Variants in CYP7B1 observed in about 807,000 individuals in gnomAD.
The protein encoded by CYP7B1 is cytochrome P450 7B1.
CYP7B1 carries 29 observed loss-of-function variants against 42.7 expected under a neutral mutation model. That is an observed-to-expected ratio of 0.68 (90% CI 0.51 to 0.93). CYP7B1 has a LOEUF of 0.93. Ranked by LOEUF, CYP7B1 falls within the 40% of genes least tolerant of loss-of-function variation. The pLI, the probability that CYP7B1 is intolerant of heterozygous loss-of-function variation, is 0.00. For synonymous variants in CYP7B1, 235 were observed against 218.2 expected (o/e 1.08, Z -0.68); for missense variants, 655 against 600.5 (o/e 1.09, Z -0.95).
intron 1 of CYP7B1, among the ~76,000 whole-genome samples, chr8:64,741,443 C>T (rs1346443425): frequency 6.6e-6 from 1 of 152,062 alleles, no homozygotes; most frequent in Non-Finnish European, 1.5e-5. Context: ...CCTCAGCCTC[C>T]CGAGTAGCTG....
intron 1 of CYP7B1, among the ~76,000 whole-genome samples, chr8:64,782,041 C>G (rs949751636): frequency 9.9e-5 from 15 of 152,166 alleles, no homozygotes; most frequent in Admixed American, 3.9e-4. Context: ...TCATTTCCAT[C>G]TTCCCTTACC....
chr8:64,759,752 C>G (rs1035284199), intron 1 of CYP7B1, among the ~76,000 whole-genome samples: 17 of 152,078 alleles, frequency 1.1e-4, no homozygotes, highest in Admixed American at 3.9e-4. Flanking sequence ...GATCAGGCAG[C>G]TAATTAGTGA....
intron 2 of CYP7B1, 85 bp downstream of exon 2, chr8:64,624,318 T>C (rs1466880196): frequency 1.6e-6 from 2 of 1,276,468 alleles, no homozygotes; most frequent in South Asian, 1.3e-5. Flanking sequence ...ATATTCTACA[T>C]TTTGCCTAGA....
At chr8:64,650,488 A>G (rs1806022246) in intron 1 of CYP7B1, among the ~76,000 whole-genome samples, 1 of 152,050 alleles carries the variant, frequency 6.6e-6, no homozygotes, top group Admixed American at 6.5e-5. Flanking sequence ...TCTCTACCAA[A>G]AATACAAAAA....
At chr8:64,791,052 C>A (rs775528630) in intron 1 of CYP7B1, among the ~76,000 whole-genome samples, 45 of 152,126 alleles carry the variant, frequency 3.0e-4, no homozygotes, top group Non-Finnish European at 4.9e-4. Context: ...TCCAGAAAAT[C>A]ACCAAAAACT....
intron 1 of CYP7B1, among the ~76,000 whole-genome samples, chr8:64,744,723 T>G (rs564975413): frequency 6.6e-6 from 1 of 152,202 alleles, no homozygotes; most frequent in African/African-American, 2.4e-5. Flanking sequence ...ATAATACTTC[T>G]GGTTTTCACT....
At chr8:64,793,221 C>G (rs1804648669) in intron 1 of CYP7B1, among the ~76,000 whole-genome samples, 1 of 152,146 alleles carries the variant, frequency 6.6e-6, no homozygotes, top group Non-Finnish European at 1.5e-5. Context: ...CACCCCCTCT[C>G]CATCATATTT....
chr8:64,614,921 A>T, intron 4 of CYP7B1, 105 bp downstream of exon 4: 1 of 1,046,028 alleles, frequency 9.6e-7, no homozygotes, highest in South Asian at 1.3e-5. Flanking sequence ...TTATTATGTC[A>T]ATTAGGCAGC....
intron 1 of CYP7B1, among the ~76,000 whole-genome samples, chr8:64,777,029 A>G: frequency 6.6e-6 from 1 of 152,046 alleles, no homozygotes; most frequent in East Asian, 1.9e-4. Context: ...TCAAACTTAT[A>G]CTAAATAAAT....
intron 1 of CYP7B1, among the ~76,000 whole-genome samples, chr8:64,647,016 G>T (rs1013183863): frequency 6.6e-6 from 1 of 152,034 alleles, no homozygotes; most frequent in South Asian, 2.1e-4. Flanking sequence ...ATCATTTCTC[G>T]CTTTTAATTT....
intron 1 of CYP7B1, among the ~76,000 whole-genome samples, chr8:64,639,649 T>G (rs1485800365): frequency 6.6e-6 from 1 of 152,080 alleles, no homozygotes; most frequent in Non-Finnish European, 1.5e-5. Context: ...GGAACTCTCA[T>G]ACAGGGCTGG....
At chr8:64,652,477 C>T (rs975019443) in intron 1 of CYP7B1, among the ~76,000 whole-genome samples, 3 of 152,180 alleles carry the variant, frequency 2.0e-5, no homozygotes, top group African/African-American at 7.2e-5. Flanking sequence ...CAAACACACC[C>T]TCAGACTACA....
At chr8:64,697,113 CTGTT>C (rs1383824767) in intron 1 of CYP7B1, among the ~76,000 whole-genome samples, 1 of 152,174 alleles carries the variant, frequency 6.6e-6, no homozygotes, top group Non-Finnish European at 1.5e-5. Flanking sequence ...AACTGCCAAT[CTGTT>C]TGGAGAATGA....
rs1477119040 is a variant in CYP7B1, at chr8:64,602,474, C to T, written c.1233+2208G>A. On this transcript the variant is annotated intron_variant, in intron 5 of 5. Transcript: ENST00000310193. ...TTTTGGAGGTTGGAAATTCTGAAAC[C>T]CTGCCTTGTTGGGCTGGGAGAATCT... is the stretch of plus-strand genomic sequence containing the variant. Among the ~76,000 whole-genome samples the T allele has an allele frequency of 1.3e-5, 2 of 152,186 alleles. 1 individual carries two copies. The highest frequency in any genetic ancestry group is 2.9e-5 in the Non-Finnish European group (2 of 68,030).
intron 1 of CYP7B1, among the ~76,000 whole-genome samples, chr8:64,772,672 C>T (rs1025646411): frequency 1.3e-5 from 2 of 152,294 alleles, no homozygotes; most frequent in East Asian, 1.9e-4. Context: ...TGGCTTCTAC[C>T]CTGTCTACTG....
intron 1 of CYP7B1, among the ~76,000 whole-genome samples, chr8:64,717,502 A>T (rs1807173949): frequency 6.6e-6 from 1 of 152,196 alleles, no homozygotes; most frequent in African/African-American, 2.4e-5. Flanking sequence ...AAAGTATAAA[A>T]TAACACATTT....
At chr8:64,744,012 TG>T (rs1269715486) in intron 1 of CYP7B1, among the ~76,000 whole-genome samples, 3 of 152,158 alleles carry the variant, frequency 2.0e-5, no homozygotes, top group African/African-American at 4.8e-5. Context: ...ACTAAAACTA[TG>T]GCTATTTCTA....
intron 1 of CYP7B1, among the ~76,000 whole-genome samples, chr8:64,649,180 T>G (rs1805999193): frequency 6.6e-6 from 1 of 152,152 alleles, no homozygotes; most frequent in African/African-American, 2.4e-5. Context: ...ATCAATAAAT[T>G]AATCAATTCA....
chr8:64,596,826 G>C lies in CYP7B1; in HGVS notation c.1337C>G (p.Thr446Ser), dbSNP rs542227556. Residue 446 changes from threonine to serine, a missense_variant, in exon 6 of 6, where the codon ACC (threonine) becomes AGC (serine). Transcript: ENST00000310193. The part of the protein sequence containing the change: ...KCYLMPFGTG[T>S]SKCPGRFFAL... ...AAAAAATCGGCCTGGACATTTGCTG[G>C]TTCCAGTTCCAAACGGCATTAGGTA... is the stretch of plus-strand genomic sequence containing the variant. 1 of 1,614,110 alleles carries C rather than the reference G, an allele frequency of 6.2e-7. No homozygotes were observed. Among genetic ancestry groups the C allele is most frequent in the Admixed American group, 1.7e-5 (1 of 60,026 alleles).
Sources: gnomAD v4.1 joint callset for allele counts (sites outside exome capture counted in the v4.1 genomes callset) on GRCh38, gnomAD v4.1.1 for gene constraint, MANE v1.5 for transcripts, NCBI Gene and HGNC (gene_info 2026-07-23, HGNC 2026-07-21) for gene names.